Variants in OGDH observed in about 807,000 individuals in gnomAD.
OGDH encodes 2-oxoglutarate dehydrogenase complex component E1.
In OGDH, 38 loss-of-function variants were observed where a neutral mutation model predicts 116.6. That is an observed-to-expected ratio of 0.33 (90% confidence interval 0.25 to 0.43). OGDH has a LOEUF of 0.43. Among genes scored for constraint, OGDH ranks in the 20% least tolerant of loss-of-function variants. OGDH has a pLI of 1.00. For missense variants in OGDH, 825 were observed against 1,357.2 expected (o/e 0.61, Z 6.16); for synonymous variants, 488 against 533.3 (o/e 0.92, Z 1.17).
intron 2 of OGDH, 92 bp from the exon 3 acceptor site, chr7:44,645,235 G>A (rs1786117411): frequency 8.4e-7 from 1 of 1,185,394 alleles, no homozygotes; most frequent in African/African-American, 1.5e-5. Context: ...TGGTAGACTT[G>A]CCTTGCCTGC....
rs1785511541 is a variant in OGDH at position 44,633,062 on chromosome 7, G to A, written c.222+8497G>A. Among the ~76,000 whole-genome samples the A allele has an allele frequency of 1.3e-5, 2 of 150,864 alleles. 1 individual carries two copies. Among genetic ancestry groups the A allele is most frequent in the South Asian group, 4.3e-4 (2 of 4,668 alleles). On this transcript the variant is annotated intron_variant, in intron 2 of 22. Coordinates refer to ENST00000222673, the MANE Select transcript of OGDH (RefSeq NM_002541.4). ...AGGTCAGGAGATCGAGACCATCCTG[G>A]CTAACATGGTGAAACCCTGTCTGTA...
chr7:44,702,332 G>GA (rs1003575272), intron 20 of OGDH, among the ~76,000 whole-genome samples: 13 of 152,088 alleles, frequency 8.5e-5, no homozygotes, highest in African/African-American at 2.7e-4. Context: ...TCAGGACAGA[G>GA]AAAAAAACAC....
At chr7:44,632,969 T>A (rs1181602573) in intron 2 of OGDH, among the ~76,000 whole-genome samples, 1 of 151,558 alleles carries the variant, frequency 6.6e-6, no homozygotes, top group South Asian at 2.1e-4. Context: ...AATACCTTAA[T>A]GGGGCCAGGC....
chr7:44,692,143 C>T (rs201451242), intron 10 of OGDH, among the ~76,000 whole-genome samples: 1 of 151,594 alleles, frequency 6.6e-6, no homozygotes, highest in East Asian at 1.9e-4. Context: ...GCCTGTGGCT[C>T]AGTTTTCCCT....
intron 20 of OGDH, among the ~76,000 whole-genome samples, chr7:44,702,635 C>G (rs977686786): frequency 6.6e-6 from 1 of 152,090 alleles, no homozygotes; most frequent in African/African-American, 2.4e-5. Context: ...CTCTATCGCT[C>G]AGGCTGGAGT....
intron 10 of OGDH, among the ~76,000 whole-genome samples, chr7:44,682,217 C>T (rs1787956122): frequency 1.3e-5 from 2 of 151,176 alleles, no homozygotes; most frequent in Admixed American, 1.3e-4. Flanking sequence ...TGGTGAAACC[C>T]CGTCTCTGCT....
At chr7:44,674,882 G>A (rs1787621421) in intron 7 of OGDH, 3 of 534,638 alleles carry the variant, frequency 5.6e-6, no homozygotes, top group East Asian at 6.5e-5. Flanking sequence ...TGACATTGAA[G>A]GGGAGGCCAA....
At chr7:44,654,263 T>G (rs1786587509) in intron 4 of OGDH, among the ~76,000 whole-genome samples, 1 of 152,240 alleles carries the variant, frequency 6.6e-6, no homozygotes, top group Non-Finnish European at 1.5e-5. Context: ...ACCATTGATG[T>G]TTACAAATTG....
chr7:44,673,183 T>G (rs1787545367), intron 5 of OGDH, among the ~76,000 whole-genome samples: 1 of 152,056 alleles, frequency 6.6e-6, no homozygotes, highest in Non-Finnish European at 1.5e-5. Flanking sequence ...CTGGGTAACA[T>G]AGTGAGACCT....
intron 1 of OGDH, among the ~76,000 whole-genome samples, chr7:44,606,907 G>A (rs1019681367): frequency 6.6e-6 from 1 of 152,050 alleles, no homozygotes; most frequent in African/African-American, 2.4e-5. Flanking sequence ...GGTACGGGCG[G>A]GCTCCGAGGT....
At chr7:44,632,754 G>A (rs1283901895) in intron 2 of OGDH, among the ~76,000 whole-genome samples, 1 of 152,082 alleles carries the variant, frequency 6.6e-6, no homozygotes, top group African/African-American at 2.4e-5. Flanking sequence ...AAGTAGCTGG[G>A]ACCATAGGCG....
chr7:44,696,619 T>C (rs1194747865), intron 14 of OGDH, 62 bp downstream of exon 14: 1 of 1,598,926 alleles, frequency 6.3e-7, no homozygotes, highest in Non-Finnish European at 8.5e-7. Context: ...GACGACTGTC[T>C]AGGACTGTGA....
At chr7:44,627,658 T>C (rs1785260636) in intron 2 of OGDH, among the ~76,000 whole-genome samples, 1 of 152,014 alleles carries the variant, frequency 6.6e-6, no homozygotes, top group Non-Finnish European at 1.5e-5. Context: ...TACTTTCCCA[T>C]TGTTGTTTTT....
chr7:44,677,240 C>T (rs1271813644), intron 9 of OGDH, among the ~76,000 whole-genome samples: 1 of 152,088 alleles, frequency 6.6e-6, no homozygotes, highest in Non-Finnish European at 1.5e-5. Flanking sequence ...TCTCCAGAGC[C>T]TCCTGTTCTT....
chr7:44,683,556 G>A (rs939086992), intron 10 of OGDH, among the ~76,000 whole-genome samples: 9 of 152,108 alleles, frequency 5.9e-5, no homozygotes, highest in Non-Finnish European at 1.2e-4. Context: ...GGTTCCACAG[G>A]CATACAGATG....
At chr7:44,624,826 A>G (rs1156463919) in intron 2 of OGDH, among the ~76,000 whole-genome samples, 1 of 151,544 alleles carries the variant, frequency 6.6e-6, no homozygotes, top group African/African-American at 2.4e-5. Flanking sequence ...GCATCTCCGC[A>G]AGGGCTGCTT....
At chr7:44,624,802 T>C (rs1785140541) in intron 2 of OGDH, among the ~76,000 whole-genome samples, 1 of 152,124 alleles carries the variant, frequency 6.6e-6, no homozygotes, top group Non-Finnish European at 1.5e-5. Flanking sequence ...AAGAAGCATG[T>C]GTGTGACCCT....
At chr7:44,654,412 T>C (rs1249840007) in intron 4 of OGDH, among the ~76,000 whole-genome samples, 2 of 152,230 alleles carry the variant, frequency 1.3e-5, no homozygotes, top group Non-Finnish European at 2.9e-5. Context: ...CAGCGAGTCA[T>C]GACAAAGTTT....
chr7:44,681,170 C>A (rs1787914060), intron 9 of OGDH, among the ~76,000 whole-genome samples: 2 of 152,204 alleles, frequency 1.3e-5, no homozygotes, highest in African/African-American at 4.8e-5. Flanking sequence ...CAAAATACTA[C>A]CACTATACTC....
Sources: gnomAD v4.1 joint callset for allele counts (sites outside exome capture counted in the v4.1 genomes callset) on GRCh38, gnomAD v4.1.1 for gene constraint, MANE v1.5 for transcripts, NCBI Gene and HGNC (gene_info 2026-07-23, HGNC 2026-07-21) for gene names.